The following TMEM182 variants were observed in gnomAD, a reference collection of about 807,000 sequenced individuals.
The protein encoded by TMEM182 is transmembrane protein 182.
Under a neutral mutation model 26.8 loss-of-function variants are expected in TMEM182, and 20 were observed. That is an observed-to-expected ratio of 0.75 (90% CI 0.53 to 1.09). The LOEUF is 1.09. TMEM182 is among the 50% of genes least tolerant of loss of function. The pLI, the probability that TMEM182 is intolerant of heterozygous loss-of-function variation, is 0.00. For synonymous variants in TMEM182, 109 were observed against 102.2 expected, an observed-to-expected ratio of 1.07 and a Z score of -0.40; for missense variants, 277 against 275.5, an observed-to-expected ratio of 1.01 and a Z score of -0.04.
Position 102,815,880 on chromosome 2 carries a change from G to A in TMEM182, c.*912G>A, listed in dbSNP as rs563518636. ...TATTTTTTAGATATAAACTTTCAAC[G>A]TACTTCCATATGAGGATTATAATAG... On this transcript the variant is annotated 3_prime_UTR_variant, in exon 5 of 5. Coordinates refer to ENST00000412401, the MANE Select transcript of TMEM182 (RefSeq NM_144632.5). 43 of 925,450 alleles carry A rather than the reference G, an allele frequency of 4.6e-5. No homozygotes were observed. Among genetic ancestry groups the A allele is most frequent in the Middle Eastern group, 5.6e-4 (1 of 1,796 alleles). The allele number at this position is 925,450 out of a possible 1,614,324, so 57.3% of individuals were successfully genotyped here.
chr2:102,798,132 A>G (rs1681961988), intron 4 of TMEM182, 132 bp downstream of exon 4: 1 of 1,158,448 alleles, frequency 8.6e-7, no homozygotes, highest in Non-Finnish European at 1.2e-6. Context: ...ATACTTCTTG[A>G]ACACTAACTA....
intron 4 of TMEM182, among the ~76,000 whole-genome samples, chr2:102,806,872 C>T (rs1209997321): frequency 6.6e-6 from 1 of 152,156 alleles, no homozygotes; most frequent in Non-Finnish European, 1.5e-5. Context: ...AAGTGTGAAA[C>T]TTTGAGGCAG....
chr2:102,777,122 C>T (rs377558824), intron 3 of TMEM182, among the ~76,000 whole-genome samples: 1 of 151,680 alleles, frequency 6.6e-6, no homozygotes, highest in Non-Finnish European at 1.5e-5. Context: ...TTAACAGTGT[C>T]GTTCACAGAG....
At chr2:102,775,468 A>T (rs1212131264) in intron 3 of TMEM182, 4 of 152,180 alleles carry the variant, frequency 2.6e-5, no homozygotes, top group Non-Finnish European at 5.9e-5. Context: ...ATTCCCTTTG[A>T]AAACTGGCAA....
In TMEM182 at chr2:102,762,039, C is replaced by T. The variant is rs1019298441; in HGVS notation, c.-179C>T. The T allele has an allele frequency of 4.6e-5, 24 of 521,914 alleles. No individual in the cohort carries two copies. Among genetic ancestry groups the T allele is most frequent in the East Asian group, 7.2e-5 (2 of 27,748 alleles). 32.3% of individuals were successfully genotyped at this position (521,914 alleles called of 1,614,324 possible). ...GCGAGCAAAGGGAATATGAATCTGC[C>T]GGTGGGGCGTGAGCGAGAAGCCACC... On this transcript the variant is annotated 5_prime_UTR_variant, in exon 1 of 5. Coordinates refer to ENST00000412401, the MANE Select transcript of TMEM182 (RefSeq NM_144632.5).
At chr2:102,831,875 C>A (rs932100150) in intron 3 of TMEM182, among the ~76,000 whole-genome samples, 1 of 152,190 alleles carries the variant, frequency 6.6e-6, no homozygotes, top group African/African-American at 2.4e-5. Context: ...GGACACCCAA[C>A]CACCAACTGA....
At chr2:102,756,466 G>A (rs1680035800) in intron 1 of TMEM182, among the ~76,000 whole-genome samples, 2 of 152,130 alleles carry the variant, frequency 1.3e-5, no homozygotes, top group Non-Finnish European at 2.9e-5. Flanking sequence ...CCAGCACTTT[G>A]GGAGGCTGAG....
At chr2:102,822,688 A>AG (rs1377418891) in intron 3 of TMEM182, among the ~76,000 whole-genome samples, 43 of 152,330 alleles carry the variant, frequency 2.8e-4, no homozygotes, top group African/African-American at 1.0e-3. Context: ...AGCATTCTGA[A>AG]GACCCGGGAA....
intron 3 of TMEM182, among the ~76,000 whole-genome samples, chr2:102,764,834 A>T (rs1309857278): frequency 6.6e-6 from 1 of 151,126 alleles, no homozygotes; most frequent in Non-Finnish European, 1.5e-5. Flanking sequence ...TAAATATATA[A>T]TATGTATACA....
intron 4 of TMEM182, among the ~76,000 whole-genome samples, chr2:102,806,960 T>A (rs1402601978): frequency 6.6e-6 from 1 of 152,240 alleles, no homozygotes. Context: ...TTCTTGTGAA[T>A]AAATATTTCC....
intron 1 of TMEM182, among the ~76,000 whole-genome samples, chr2:102,741,862 A>G (rs1558748435): frequency 6.6e-6 from 1 of 152,174 alleles, no homozygotes; most frequent in Non-Finnish European, 1.5e-5. Context: ...TGGAACCCCC[A>G]ACTATGAAAA....
At chr2:102,824,456 TC>T (rs1485713787) in intron 3 of TMEM182, among the ~76,000 whole-genome samples, 3 of 152,092 alleles carry the variant, frequency 2.0e-5, no homozygotes, top group African/African-American at 7.2e-5. Flanking sequence ...GATAGTGAGT[TC>T]TCTCAAGATT....
At chr2:102,827,894 C>T (rs1188636920) in intron 3 of TMEM182, among the ~76,000 whole-genome samples, 1 of 152,098 alleles carries the variant, frequency 6.6e-6, no homozygotes, top group African/African-American at 2.4e-5. Flanking sequence ...AGTTCGAGGC[C>T]CGCCTGGCCA....
At chr2:102,756,570 G>A (rs1284425928) in intron 1 of TMEM182, among the ~76,000 whole-genome samples, 2 of 151,140 alleles carry the variant, frequency 1.3e-5, no homozygotes, top group Non-Finnish European at 2.9e-5. Context: ...TTAGCCAAGT[G>A]TGGTGGTGCG....
intron 3 of TMEM182, among the ~76,000 whole-genome samples, chr2:102,787,879 CA>C (rs1451970689): frequency 6.6e-6 from 1 of 152,080 alleles, no homozygotes; most frequent in Non-Finnish European, 1.5e-5. Context: ...TAAAATACAA[CA>C]TAGAGATTGC....
At chr2:102,776,009 G>A (rs1378516083) in intron 3 of TMEM182, among the ~76,000 whole-genome samples, 3 of 152,026 alleles carry the variant, frequency 2.0e-5, no homozygotes, top group African/African-American at 7.2e-5. Context: ...ATATAGAAAT[G>A]AAATTCAGTT....
intron 3 of TMEM182, among the ~76,000 whole-genome samples, chr2:102,779,768 G>A (rs1165864581): frequency 5.9e-5 from 9 of 151,818 alleles, no homozygotes; most frequent in Middle Eastern, 3.4e-3. Context: ...AGGCCAAGGC[G>A]GGTGGATCAC....
At chr2:102,842,536 T>G (rs2104784899) in intron 3 of TMEM182, among the ~76,000 whole-genome samples, 1 of 152,144 alleles carries the variant, frequency 6.6e-6, no homozygotes, top group South Asian at 2.1e-4. Context: ...GTCAGAATTG[T>G]AGGGGGGCCC....
intron 3 of TMEM182, among the ~76,000 whole-genome samples, chr2:102,772,820 A>G (rs906112186): frequency 6.6e-6 from 1 of 152,216 alleles, no homozygotes; most frequent in Non-Finnish European, 1.5e-5. Flanking sequence ...TTGGTATTCA[A>G]TAAATGTCAG....
Sources: allele counts gnomAD v4.1 joint callset (sites outside exome capture counted in the v4.1 genomes callset), GRCh38; gene constraint gnomAD v4.1.1; transcripts MANE v1.5; gene names NCBI Gene and HGNC (gene_info 2026-07-23, HGNC 2026-07-21).